USP33: variants seen among roughly 807,000 people sequenced by gnomAD.
The protein encoded by USP33 is ubiquitin carboxyl-terminal hydrolase 33.
A neutral mutation model predicts 124.2 loss-of-function variants in USP33; 46 were observed. The ratio of observed to expected loss-of-function variants is 0.37; its 90% CI spans 0.29 to 0.47. The LOEUF is 0.47. USP33 is among the 20% of genes least tolerant of loss of function. USP33 has a pLI of 0.99. For missense variants in USP33, 851 were observed against 1,070.6 expected, an observed-to-expected ratio of 0.79 and a Z score of 2.86; for synonymous variants, 350 against 352.3, an observed-to-expected ratio of 0.99 and a Z score of 0.07.
At chr1:77,748,646 C>T (rs577218430) in intron 1 of USP33, among the ~76,000 whole-genome samples, 7 of 149,088 alleles carry the variant, frequency 4.7e-5, no homozygotes, top group Non-Finnish European at 1.0e-4. Context: ...TCCATCCTGG[C>T]GACACAGCGA....
Position 77,735,550 on chromosome 1 carries a change from T to A in USP33, c.454+506A>T, listed in dbSNP as rs552048266. Reference sequence around the variant, plus strand: ...TAATTTCCAGATAATTATCTAAATATACATTCAATGTACCACTAGTATCAA... The same window carrying A: ...TAATTTCCAGATAATTATCTAAATAAACATTCAATGTACCACTAGTATCAA... On this transcript the variant is annotated intron_variant, in intron 6 of 23. Transcript: ENST00000370794. Among the ~76,000 whole-genome samples the A allele has an allele frequency of 4.6e-5, 7 of 152,324 alleles. No homozygotes were observed. The East Asian group carries it at 1.3e-3, about 29-fold the overall frequency.
At chr1:77,723,477 C>G (rs2101402731) in intron 11 of USP33, 34 bp from the exon 12 acceptor site, 1 of 1,414,080 alleles carries the variant, frequency 7.1e-7, no homozygotes, top group African/African-American at 1.4e-5. Context: ...AAAATCAAAG[C>G]AGCTCCTTTA....
intron 1 of USP33, 48 bp from the exon 2 acceptor site, chr1:77,741,796 G>T: frequency 6.7e-7 from 1 of 1,483,670 alleles, no homozygotes; most frequent in East Asian, 2.4e-5. Context: ...TGCTTACAAT[G>T]CCTGCAAAGA....
At position 77,759,828 on chromosome 1, in the gene USP33, A is replaced by C. The variant is rs1020848618; in HGVS notation, c.-237T>G. On this transcript the variant is annotated 5_prime_UTR_variant, in exon 1 of 24. Coordinates refer to ENST00000370794, the MANE Select transcript of USP33 (RefSeq NM_201624.3). ...TCCTGAACTGGCCACTTCCCGCAGC[A>C]GCCGCGGCTCCTTCCGGTGTCTCCG... 3.5e-5 allele frequency: 14 copies of C among 396,502 alleles called. No homozygotes were observed. Among genetic ancestry groups the C allele is most frequent in the African/African-American group, 2.7e-4 (13 of 48,504 alleles). 24.6% of individuals were successfully genotyped at this position (396,502 alleles called of 1,614,324 possible).
rs138677707 is a variant in USP33 at position 77,708,458 on chromosome 1, C to T, written c.2406+3289G>A. On this transcript the variant is annotated intron_variant, in intron 21 of 23. Coordinates refer to ENST00000370794, the MANE Select transcript of USP33 (RefSeq NM_201624.3). Reference sequence around the variant, plus strand: ...AGCTAACATCTTTAACAGCAGCATCCTGTGTCTCCTGGGCGTCCTCTTGAA... The same window carrying T: ...AGCTAACATCTTTAACAGCAGCATCTTGTGTCTCCTGGGCGTCCTCTTGAA... Among the ~76,000 whole-genome samples the T allele has an allele frequency of 7.9e-5, 12 of 152,334 alleles. No homozygotes were observed. The East Asian group carries it at 2.3e-3, about 29-fold the overall frequency.
In USP33 at chr1:77,697,148, A is replaced by C. The variant is rs1198455817; in HGVS notation, c.*169T>G. 5.9e-5 allele frequency: 36 copies of C among 608,276 alleles called. No homozygotes were observed. In the East Asian group the frequency reaches 1.0e-3, roughly 17 times the overall value. The allele number at this position is 608,276 out of a possible 1,614,324, so 37.7% of individuals were successfully genotyped here. ...AACTAAATATACCAACCTGTGGTAT[A>C]TTACACATTTTAATATATTCTTCCA... On this transcript the variant is annotated 3_prime_UTR_variant, in exon 24 of 24. Coordinates refer to ENST00000370794, the MANE Select transcript of USP33 (RefSeq NM_201624.3).
intron 1 of USP33, among the ~76,000 whole-genome samples, chr1:77,748,763 G>T (rs201300284): frequency 2.2e-5 from 3 of 138,610 alleles, no homozygotes; most frequent in Non-Finnish European, 4.6e-5. Context: ...GTTCTTTTTT[G>T]GCAGCATTCC....
chr1:77,759,467 A>G, intron 1 of USP33, 176 bp downstream of exon 1: 2 of 396,310 alleles, frequency 5.0e-6, no homozygotes, highest in Non-Finnish European at 8.9e-6. Context: ...AACGCAGAGC[A>G]CCGAGGGGCC....
chr1:77,758,289 T>A (rs888027877), intron 1 of USP33, among the ~76,000 whole-genome samples: 2 of 147,740 alleles, frequency 1.4e-5, no homozygotes, highest in South Asian at 4.6e-4. Context: ...CACGCCATTC[T>A]CCTGCCTCAG....
At chr1:77,737,632 T>C (rs1678628074) in intron 5 of USP33, among the ~76,000 whole-genome samples, 1 of 152,224 alleles carries the variant, frequency 6.6e-6, no homozygotes, top group South Asian at 2.1e-4. Flanking sequence ...CATAAGGAAG[T>C]TGAATGAAAT....
chr1:77,722,709 G>A (rs914028572), intron 12 of USP33, among the ~76,000 whole-genome samples: 9 of 152,144 alleles, frequency 5.9e-5, no homozygotes, highest in African/African-American at 2.2e-4. Context: ...GATTTGACTT[G>A]AGATTCTAAC....
chr1:77,750,668 GA>G (rs1680239505), intron 1 of USP33, among the ~76,000 whole-genome samples: 2 of 143,068 alleles, frequency 1.4e-5, no homozygotes, highest in Non-Finnish European at 3.0e-5. Flanking sequence ...AAGAAAGAAA[GA>G]AAGAAAGAAA....
intron 1 of USP33, among the ~76,000 whole-genome samples, chr1:77,747,240 C>CTTTTT (rs752560478): frequency 9.6e-6 from 1 of 103,854 alleles, no homozygotes; most frequent in Non-Finnish European, 2.0e-5. Flanking sequence ...GGCTTCTGGG[C>CTTTTT]TTTTTTTTTT....
rs1673463555 is a variant in USP33, at chr1:77,696,691, A to G, written c.*626T>C. 2 of 152,220 alleles carry G rather than the reference A, an allele frequency of 1.3e-5. No individual in the cohort carries two copies. Among genetic ancestry groups the G allele is most frequent in the Admixed American group, 6.5e-5 (1 of 15,280 alleles). 9.4% of individuals were successfully genotyped at this position (152,220 alleles called of 1,614,324 possible). A position where few individuals can be genotyped will look rare whatever the true frequency, so the allele number is the denominator to read the frequency against. On this transcript the variant is annotated 3_prime_UTR_variant, in exon 24 of 24. Transcript: ENST00000370794. ...GGACAATGAAAAAGTTTTCAAAGCAAAAGTATTTACAACACTACAAAGGAT... is the reference window on the plus strand; with the variant it reads ...GGACAATGAAAAAGTTTTCAAAGCAGAAGTATTTACAACACTACAAAGGAT...
intron 1 of USP33, among the ~76,000 whole-genome samples, chr1:77,755,010 T>G (rs1286337641): frequency 6.6e-6 from 1 of 152,172 alleles, no homozygotes; most frequent in African/African-American, 2.4e-5. Context: ...TGAAATAATT[T>G]TGAGAAATAT....
chr1:77,752,469 T>C lies in USP33; in HGVS notation c.-52+7174A>G, dbSNP rs1188358840. The stretch of plus-strand genomic sequence containing the variant: ...ATAATAATTACACATCAGGACATAG[T>C]TGGTAACCTAAGGAGCTTTTAATAT... On this transcript the variant is annotated intron_variant, in intron 1 of 23. Coordinates refer to ENST00000370794, the MANE Select transcript of USP33 (RefSeq NM_201624.3). Among the ~76,000 whole-genome samples, 4 of 152,304 alleles carry C rather than the reference T, an allele frequency of 2.6e-5. No homozygotes were observed. In the East Asian group the frequency reaches 7.7e-4, roughly 29 times the overall value.
At position 77,723,461 on chromosome 1, in the gene USP33, T is replaced by TAA; in HGVS notation, c.1277-20_1277-19dup. 9.3e-6 allele frequency: 14 copies of TAA among 1,508,594 alleles called. No individual in the cohort carries two copies. The highest frequency in any genetic ancestry group is 1.3e-5 in the Non-Finnish European group (14 of 1,108,170). 93.5% of individuals were successfully genotyped at this position (1,508,594 alleles called of 1,614,324 possible). A position where few individuals can be genotyped will look rare whatever the true frequency, so the allele number is the denominator to read the frequency against. The stretch of plus-strand genomic sequence containing the variant: ...AGACTGAGCTAGGATTGAAAAACAT[T>TAA]AAAAAAAAATCAAAGCAGCTCCTTT... On this transcript the variant is annotated intron_variant, in intron 11 of 23. Coordinates refer to ENST00000370794, the MANE Select transcript of USP33 (RefSeq NM_201624.3).
chr1:77,759,367 G>A (rs1681111245), intron 1 of USP33: 2 of 382,322 alleles, frequency 5.2e-6, no homozygotes, highest in African/African-American at 2.1e-5. Flanking sequence ...CCGCTTCCAG[G>A]GAAGAACCCC....
chr1:77,730,013 T>A (rs561277652), intron 8 of USP33, 75 bp from the exon 9 acceptor site: 4 of 1,292,086 alleles, frequency 3.1e-6, no homozygotes, highest in Non-Finnish European at 4.4e-6. Flanking sequence ...CTACCAATAA[T>A]TCAAAGTGTT....
Sources: allele counts gnomAD v4.1 joint callset (sites outside exome capture counted in the v4.1 genomes callset), GRCh38; gene constraint gnomAD v4.1.1; transcripts MANE v1.5; gene names NCBI Gene and HGNC (gene_info 2026-07-23, HGNC 2026-07-21).